Variants in NUB1 observed in about 807,000 individuals in gnomAD.
The protein encoded by NUB1 is negative regulator of ubiquitin like proteins 1.
A neutral mutation model predicts 77.1 loss-of-function variants in NUB1; 41 were observed. The observed-to-expected ratio is 0.53, with a 90% confidence interval of 0.41 to 0.69. NUB1 has a LOEUF of 0.69. Ranked by LOEUF, NUB1 falls within the 30% of genes least tolerant of loss-of-function variation. NUB1 has a pLI of 0.00. For synonymous variants in NUB1, 257 were observed against 281.0 expected (o/e 0.91, Z 0.85); for missense variants, 643 against 743.8 (o/e 0.86, Z 1.58).
In NUB1 at chr7:151,369,071, G is replaced by A. The variant is rs146561231; in HGVS notation, c.1248+184G>A. 1,509 of 599,132 alleles carry A rather than the reference G, an allele frequency of 2.5e-3. 20 individuals carry two copies. In the African/African-American group the frequency reaches 0.026, roughly 10 times the overall value. 37.1% of individuals were successfully genotyped at this position (599,132 alleles called of 1,614,324 possible). On this transcript the variant is annotated intron_variant, in intron 11 of 14. Coordinates refer to ENST00000568733, the MANE Select transcript of NUB1 (RefSeq NM_001243351.2). ...CATCCAGGCTGGAGTGCAGTGGCAC[G>A]ATCTTGGCTCACTGCAAGCTCCGCC...
At chr7:151,360,431 C>T (rs571571627) in intron 8 of NUB1, 184 bp downstream of exon 8, 1 of 463,736 alleles carries the variant, frequency 2.2e-6, no homozygotes, top group Admixed American at 3.6e-5. Context: ...ACCTTTCCTC[C>T]CTGTAAAGAA....
intron 3 of NUB1, among the ~76,000 whole-genome samples, chr7:151,350,753 G>C (rs2150669977): frequency 6.6e-6 from 1 of 152,216 alleles, no homozygotes; most frequent in East Asian, 1.9e-4. Context: ...CTTGGCACCT[G>C]GGTGGCTTGC....
intron 11 of NUB1, 31 bp from the exon 12 acceptor site, chr7:151,374,066 C>A: frequency 6.5e-7 from 1 of 1,536,220 alleles, no homozygotes; most frequent in Non-Finnish European, 8.8e-7. Context: ...CAGTCCCTAA[C>A]TTGGGATGGG....
At chr7:151,345,896 A>C (rs1291900222) in intron 2 of NUB1, among the ~76,000 whole-genome samples, 2 of 151,856 alleles carry the variant, frequency 1.3e-5, no homozygotes, top group African/African-American at 4.8e-5. Flanking sequence ...ATCAGTGTTC[A>C]TTTTTCCAAA....
At chr7:151,368,245 C>T (rs533989237) in intron 10 of NUB1, among the ~76,000 whole-genome samples, 18 of 152,296 alleles carry the variant, frequency 1.2e-4, no homozygotes, top group Non-Finnish European at 2.4e-4. Flanking sequence ...GTGAGCAGCC[C>T]GCCAGCCTCA....
chr7:151,367,990 C>T, intron 10 of NUB1, 22 bp downstream of exon 10: 1 of 1,288,714 alleles, frequency 7.8e-7, no homozygotes, highest in Non-Finnish European at 1.1e-6. Flanking sequence ...AAAGTTGTAA[C>T]CAATTTTCAC....
intron 3 of NUB1, among the ~76,000 whole-genome samples, chr7:151,350,559 C>T (rs1796746266): frequency 6.6e-6 from 1 of 152,194 alleles, no homozygotes; most frequent in Admixed American, 6.5e-5. Context: ...TCTGTGTGGC[C>T]TGGTTTTTCC....
intron 1 of NUB1, among the ~76,000 whole-genome samples, chr7:151,344,532 G>C (rs1796388191): frequency 6.6e-6 from 1 of 151,232 alleles, no homozygotes; most frequent in Non-Finnish European, 1.5e-5. Flanking sequence ...ATGTTGACCA[G>C]GCTGGTCTCG....
chr7:151,345,449 G>C lies in NUB1; in HGVS notation c.100G>C (p.Val34Leu), dbSNP rs1250651960. 6.3e-7 allele frequency: 1 copy of C among 1,596,460 alleles called. No individual in the cohort carries two copies. The highest frequency in any genetic ancestry group is 8.5e-7 in the Non-Finnish European group (1 of 1,170,272). ...TCCATATACAGATGAAAATAAAAAAGTTGGTTTGGCATTAAAGGTATTTTT... is the reference window on the plus strand; with the variant it reads ...TCCATATACAGATGAAAATAAAAAACTTGGTTTGGCATTAAAGGTATTTTT... ...KPPYTDENKK[V>L]GLALKDLAKQ... is the part of the protein sequence containing the mutation. The change falls in exon 2 of 15, where the codon GTT becomes CTT. Residue 34 changes from valine to leucine, a missense_variant. Val to Leu is a conservative substitution (Grantham distance 32, BLOSUM62 1). Transcript: ENST00000568733.
At chr7:151,375,997 TG>T in intron 13 of NUB1, 54 bp downstream of exon 13, 5 of 1,147,292 alleles carry the variant, frequency 4.4e-6, no homozygotes, top group Non-Finnish European at 6.6e-6. Flanking sequence ...TGGGGTTGCT[TG>T]GGGTAACCCG....
chr7:151,349,928 G>A (rs535875601), intron 3 of NUB1, among the ~76,000 whole-genome samples: 1 of 152,358 alleles, frequency 6.6e-6, no homozygotes, highest in South Asian at 2.1e-4. Flanking sequence ...TAGTGGCCCC[G>A]AATGCCTGGC....
rs370674897 is a variant in NUB1 at position 151,371,554 on chromosome 7, G to C, written c.1249-2543G>C. Reference sequence around the variant, plus strand: ...AGGGTTGCCACCTTAGCCCATTCAGGGGCCACCTGGGGAGCTGGAGCAGCC... The same window carrying C: ...AGGGTTGCCACCTTAGCCCATTCAGCGGCCACCTGGGGAGCTGGAGCAGCC... On this transcript the variant is annotated intron_variant, in intron 11 of 14. Coordinates refer to ENST00000568733, the MANE Select transcript of NUB1 (RefSeq NM_001243351.2). Among the ~76,000 whole-genome samples the C allele has an allele frequency of 1.7e-4, 26 of 152,250 alleles. No homozygotes were observed. The East Asian group carries it at 3.5e-3, about 20-fold the overall frequency.
At position 151,359,160 on chromosome 7, in the gene NUB1, C is replaced by T. The variant is rs1032008873; in HGVS notation, c.694-981C>T. Among the ~76,000 whole-genome samples the T allele has an allele frequency of 5.3e-5, 8 of 151,512 alleles. No homozygotes were observed. The East Asian group carries it at 7.8e-4, about 15-fold the overall frequency. Reference sequence around the variant, plus strand: ...GATGATTAAGAATAGAAAGTGAGGCCGGGCACGGTGGCTCATGCCTGTAAT... The same window carrying T: ...GATGATTAAGAATAGAAAGTGAGGCTGGGCACGGTGGCTCATGCCTGTAAT... On this transcript the variant is annotated intron_variant, in intron 7 of 14. Coordinates refer to ENST00000568733, the MANE Select transcript of NUB1 (RefSeq NM_001243351.2).
intron 2 of NUB1, among the ~76,000 whole-genome samples, chr7:151,346,044 C>G (rs1796492166): frequency 1.3e-5 from 2 of 152,218 alleles, no homozygotes; most frequent in Non-Finnish European, 2.9e-5. Context: ...TGCCAGAAAT[C>G]TATCATACTG....
intron 12 of NUB1, among the ~76,000 whole-genome samples, chr7:151,375,055 G>A (rs1025799628): frequency 2.0e-5 from 3 of 151,340 alleles, no homozygotes; most frequent in Admixed American, 1.3e-4. Flanking sequence ...TGGAGGGGGT[G>A]GGGTGCAGGG....
At chr7:151,352,130 C>T (rs1796834214) in intron 4 of NUB1, 1 of 456,682 alleles carries the variant, frequency 2.2e-6, no homozygotes, top group African/African-American at 2.0e-5. Context: ...GCATGCAACA[C>T]ACATGCGTAG....
Position 151,376,578 on chromosome 7 carries a change from G to A in NUB1, c.1492-56G>A, listed in dbSNP as rs77693954. On this transcript the variant is annotated intron_variant, in intron 13 of 14. Coordinates refer to ENST00000568733, the MANE Select transcript of NUB1 (RefSeq NM_001243351.2). ...CGGCTGTCCACTCGTATGGCTGACGGGGGTGGCAGAAGAGGCGCCAGGGGC... is the reference window on the plus strand; with the variant it reads ...CGGCTGTCCACTCGTATGGCTGACGAGGGTGGCAGAAGAGGCGCCAGGGGC... 2.2e-3 allele frequency: 3,370 copies of A among 1,502,456 alleles called. 54 individuals carry two copies. The African/African-American group carries it at 0.041, about 18-fold the overall frequency. The allele number at this position is 1,502,456 out of a possible 1,614,324, so 93.1% of individuals were successfully genotyped here. A position where few individuals can be genotyped will look rare whatever the true frequency, so the allele number is the denominator to read the frequency against.
At chr7:151,359,975 A>G (rs186555745) in intron 7 of NUB1, among the ~76,000 whole-genome samples, 166 bp from the exon 8 acceptor site, 25 of 152,280 alleles carry the variant, frequency 1.6e-4, no homozygotes, top group Non-Finnish European at 4.4e-5. Flanking sequence ...ATTTAAATGA[A>G]ATAAAGCTTT....
chr7:151,354,418 A>T lies in NUB1; in HGVS notation c.416-1350A>T, dbSNP rs374850587. Reference sequence around the variant, plus strand: ...GGTTGTCATATTTCTCAAAAGAAAAAAATCCAGCTAGTTTTCCAGAAATGT... The same window carrying T: ...GGTTGTCATATTTCTCAAAAGAAAATAATCCAGCTAGTTTTCCAGAAATGT... On this transcript the variant is annotated intron_variant, in intron 5 of 14. Transcript: ENST00000568733. Among the ~76,000 whole-genome samples, 18 of 152,126 alleles carry T rather than the reference A, an allele frequency of 1.2e-4. No homozygotes were observed. In the East Asian group the frequency reaches 1.4e-3, roughly 11 times the overall value.
Sources: gnomAD v4.1 joint callset for allele counts (sites outside exome capture counted in the v4.1 genomes callset) on GRCh38, gnomAD v4.1.1 for gene constraint, MANE v1.5 for transcripts, NCBI Gene and HGNC (gene_info 2026-07-23, HGNC 2026-07-21) for gene names.